SLITRK4: variants seen among roughly 807,000 people sequenced by gnomAD.
SLITRK4 encodes the protein SLIT and NTRK-like protein 4.
A neutral mutation model predicts 34.7 loss-of-function variants in SLITRK4; 7 were observed. That is an observed-to-expected ratio of 0.20 (90% confidence interval 0.11 to 0.38). The LOEUF (loss-of-function observed/expected upper bound fraction) is 0.38. Among genes scored for constraint, SLITRK4 ranks in the 10% least tolerant of loss-of-function variants. The pLI is 1.00. For synonymous variants in SLITRK4, 237 were observed against 246.2 expected, an observed-to-expected ratio of 0.96 and a Z score of 0.35; for missense variants, 474 against 607.0, an observed-to-expected ratio of 0.78 and a Z score of 2.30.
chrX:143,624,754 C>T lies in SLITRK4; in HGVS notation c.*3841G>A, dbSNP rs911387707. ...TTTATTAATACTTTCATAAAAATGGCAATTAATAAATTCTAATACCTTGAT... is the reference window on the plus strand; with the variant it reads ...TTTATTAATACTTTCATAAAAATGGTAATTAATAAATTCTAATACCTTGAT... On this transcript the variant is annotated 3_prime_UTR_variant, in exon 2 of 2. Transcript: ENST00000356928. The T allele has an allele frequency of 9.0e-6, 1 of 110,811 alleles. No individual in the cohort carries two copies. Among genetic ancestry groups the T allele is most frequent in the African/African-American group, 3.3e-5 (1 of 30,621 alleles). The allele number at this position is 110,811 out of a possible 1,213,427, so 9.1% of individuals were successfully genotyped here.
At chrX:143,635,608 A>C (rs1556431301) in intron 1 of SLITRK4, 127 bp downstream of exon 1, 1 of 109,590 alleles carries the variant, frequency 9.1e-6, no homozygotes, top group African/African-American at 3.3e-5. Context: ...AGGGGGGCCG[A>C]GGGAGATCGA....
Position 143,629,665 on chromosome X carries a change from T to G in SLITRK4, c.1444A>C (p.Asn482His). 8.3e-7 allele frequency: 1 copy of G among 1,211,709 alleles called. No individual in the cohort carries two copies. The highest frequency in any genetic ancestry group is 1.1e-6 in the Non-Finnish European group (1 of 895,537). The change falls in exon 2 of 2, where the codon AAT (asparagine) becomes CAT (histidine). Residue 482 changes from asparagine (N) to histidine (H), a missense_variant. Asn to His is a moderately conservative substitution (Grantham distance 68, BLOSUM62 1). Around this residue, in one of 3 missense-constraint regions of SLITRK4, gnomAD observed 345 missense variants for 406.5 expected, o/e 0.85. Coordinates refer to ENST00000356928, the MANE Select transcript of SLITRK4 (RefSeq NM_001184749.3). ...MPNLQLLYLN[N>H]NLLKSLPVYI... ...ACAGGCAGGCTCTTTAGGAGATTAT[T>G]GTTTAAGTACAGTAACTGCAAATTT...
rs1258903350 is a variant in SLITRK4, at chrX:143,627,243, A to T, written c.*1352T>A. ...AGAACAGGATACTGATGCATACAAG[A>T]TATAACTATTAACCTTATTCATTAT... is the stretch of plus-strand genomic sequence containing the variant. On this transcript the variant is annotated 3_prime_UTR_variant, in exon 2 of 2. Transcript: ENST00000356928. 9.1e-6 allele frequency: 1 copy of T among 109,439 alleles called. No homozygotes were observed. The highest frequency in any genetic ancestry group is 2.8e-4 in the East Asian group (1 of 3,513). 9.0% of individuals were successfully genotyped at this position (109,439 alleles called of 1,213,427 possible).
In SLITRK4 at chrX:143,627,256, C is replaced by A. The variant is rs1930823409; in HGVS notation, c.*1339G>T. On this transcript the variant is annotated 3_prime_UTR_variant, in exon 2 of 2. Transcript: ENST00000356928. ...GATGCATACAAGATATAACTATTAACCTTATTCATTATTTTTTAAATACTT... is the reference window on the plus strand; with the variant it reads ...GATGCATACAAGATATAACTATTAAACTTATTCATTATTTTTTAAATACTT... 9.2e-6 allele frequency: 1 copy of A among 109,157 alleles called. No individual in the cohort carries two copies. Among genetic ancestry groups the A allele is most frequent in the African/African-American group, 3.3e-5 (1 of 30,050 alleles). The allele number at this position is 109,157 out of a possible 1,213,427, so 9.0% of individuals were successfully genotyped here.
Position 143,628,851 on chromosome X carries a change from C to A in SLITRK4, c.2258G>T (p.Arg753Met). 8.3e-7 allele frequency: 1 copy of A among 1,211,392 alleles called. No individual in the cohort carries two copies. Among genetic ancestry groups the A allele is most frequent in the Non-Finnish European group, 1.1e-6 (1 of 895,270 alleles). Residue 753 changes from arginine to methionine, a missense_variant, in exon 2 of 2, where the codon AGG becomes ATG. Physicochemically the swap from Arg to Met is moderately conservative, Grantham distance 91. Coordinates refer to ENST00000356928, the MANE Select transcript of SLITRK4 (RefSeq NM_001184749.3). ...ATTCTGAATAAACACATTGGAATCC[C>A]TGCTAGGGAATAATTCATCCAGCTC... The part of the protein sequence containing the change: ...IDELDELFPS[R>M]DSNVFIQNFL...
chrX:143,629,778 A>G lies in SLITRK4; in HGVS notation c.1331T>C (p.Ile444Thr). 1 of 1,209,380 alleles carries G rather than the reference A, an allele frequency of 8.3e-7. No homozygotes were observed. The highest frequency in any genetic ancestry group is 1.1e-6 in the Non-Finnish European group (1 of 893,406). The change falls in exon 2 of 2, where the codon ATA (isoleucine) becomes ACA (threonine). Residue 444 changes from isoleucine (I) to threonine (T), a missense_variant. Coordinates refer to ENST00000356928, the MANE Select transcript of SLITRK4 (RefSeq NM_001184749.3). ...CTGCAGGTTATGAAGACCTGAAAATATTTCAGGATAGAGTCTCTCAATTTG... is the reference window on the plus strand; with the variant it reads ...CTGCAGGTTATGAAGACCTGAAAATGTTTCAGGATAGAGTCTCTCAATTTG... ...GNQIERLYPE[I>T]FSGLHNLQYL...
In SLITRK4 at chrX:143,624,971, C is replaced by A. The variant is rs1412467637; in HGVS notation, c.*3624G>T. The A allele has an allele frequency of 9.0e-6, 1 of 110,582 alleles. No homozygotes were observed. Among genetic ancestry groups the A allele is most frequent in the Non-Finnish European group, 1.9e-5 (1 of 52,578 alleles). The allele number at this position is 110,582 out of a possible 1,213,427, so 9.1% of individuals were successfully genotyped here. ...TATAAATACATTCTTAATATAGTTT[C>A]TCCCCAACTCTTTGGATGCGACAGT... On this transcript the variant is annotated 3_prime_UTR_variant, in exon 2 of 2. Transcript: ENST00000356928.
intron 1 of SLITRK4, among the ~76,000 whole-genome samples, chrX:143,632,733 T>TATTTGGCTGCC (rs1184421674): frequency 8.9e-6 from 1 of 112,012 alleles, no homozygotes; most frequent in Non-Finnish European, 1.9e-5. Flanking sequence ...GCTGAGATGC[T>TATTTGGCTGCC]ATTTGGCTGC....
rs1930832136 is a variant in SLITRK4 at position 143,627,484 on chromosome X, GTTTGT to G, written c.*1106_*1110del. On this transcript the variant is annotated 3_prime_UTR_variant, in exon 2 of 2. Coordinates refer to ENST00000356928, the MANE Select transcript of SLITRK4 (RefSeq NM_001184749.3). ...GTTCTTTTGTATTTTTTTCTTTTCTGTTTGTTTTAAATTTTTTTTGTTTTTAAGTT... is the reference window on the plus strand; with the variant it reads ...GTTCTTTTGTATTTTTTTCTTTTCTGTTTAAATTTTTTTTGTTTTTAAGTT... The G allele has an allele frequency of 9.1e-6, 1 of 110,125 alleles. No individual in the cohort carries two copies. The highest frequency in any genetic ancestry group is 3.8e-4 in the South Asian group (1 of 2,602). The allele number at this position is 110,125 out of a possible 1,213,427, so 9.1% of individuals were successfully genotyped here.
intron 1 of SLITRK4, among the ~76,000 whole-genome samples, chrX:143,633,937 G>C (rs1192145284): frequency 3.5e-5 from 4 of 112,875 alleles, no homozygotes; most frequent in Non-Finnish European, 7.5e-5. Flanking sequence ...TAGCGGAGGC[G>C]GGGTACCGCG....
At position 143,632,459 on chromosome X, in the gene SLITRK4, G is replaced by T. The variant is rs782425238; in HGVS notation, c.-50-1301C>A. 3.6e-5 allele frequency among the ~76,000 whole-genome samples: 4 copies of T among 112,089 alleles called. No homozygotes were observed. In the East Asian group the frequency reaches 1.1e-3, roughly 31 times the overall value. On this transcript the variant is annotated intron_variant, in intron 1 of 1. Transcript: ENST00000356928. ...TATTGATACTATTTTAGCAATATTA[G>T]TCTTTTCCATTGTGAATGGGAAGCT...
chrX:143,630,306 C>T lies in SLITRK4; in HGVS notation c.803G>A (p.Ser268Asn). The T allele has an allele frequency of 1.7e-6, 2 of 1,211,923 alleles. No homozygotes were observed. Among genetic ancestry groups the T allele is most frequent in the Non-Finnish European group, 2.2e-6 (2 of 895,582 alleles). The change falls in exon 2 of 2, where the codon AGT becomes AAT. Residue 268 changes from serine (S) to asparagine (N), a missense_variant. By Grantham distance (46) the Ser-to-Asn change is conservative. Coordinates refer to ENST00000356928, the MANE Select transcript of SLITRK4 (RefSeq NM_001184749.3). ...KQELCPMGTG[S>N]DFDVRILPPS... is the part of the protein sequence containing the mutation. ...AGGCAGGATGCGCACGTCAAAATCACTGCCGGTGCCCATGGGACATAGCTC... is the reference window on the plus strand; with the variant it reads ...AGGCAGGATGCGCACGTCAAAATCATTGCCGGTGCCCATGGGACATAGCTC...
In SLITRK4 at chrX:143,627,891, C is replaced by A. The variant is rs1326733228; in HGVS notation, c.*704G>T. The A allele has an allele frequency of 6.5e-6, 1 of 154,365 alleles. No homozygotes were observed. Among genetic ancestry groups the A allele is most frequent in the African/African-American group, 3.1e-5 (1 of 32,544 alleles). 12.7% of individuals were successfully genotyped at this position (154,365 alleles called of 1,213,427 possible). ...AGATCATCACAAATGCTATCTAACT[C>A]ACGTTGATTTTTTCTTTTAGATTTT... On this transcript the variant is annotated 3_prime_UTR_variant, in exon 2 of 2. Coordinates refer to ENST00000356928, the MANE Select transcript of SLITRK4 (RefSeq NM_001184749.3).
Position 143,630,086 on chromosome X carries a change from A to T in SLITRK4, c.1023T>A (p.Pro341=), listed in dbSNP as rs1556427341. 4 of 1,211,701 alleles carry T rather than the reference A, an allele frequency of 3.3e-6. No homozygotes were observed. The highest frequency in any genetic ancestry group is 4.5e-6 in the Non-Finnish European group (4 of 895,275). The change falls in exon 2 of 2, where the codon CCT becomes CCA. Residue 341 remains proline (P), a synonymous_variant. Transcript: ENST00000356928. ...SYQTRVPPLT[P]CPAPCFCKTH... ...TTTTGCAGAAGCAAGGTGCCGGGCA[A>T]GGTGTTAGAGGAGGCACCCTTGTTT...
intron 1 of SLITRK4, 95 bp downstream of exon 1, chrX:143,635,640 G>A (rs1931217196): frequency 9.1e-6 from 1 of 110,129 alleles, no homozygotes; most frequent in African/African-American, 3.3e-5. Flanking sequence ...AGTCTACGCG[G>A]AATTGAATAA....
chrX:143,629,514 G>A lies in SLITRK4; in HGVS notation c.1595C>T (p.Pro532Leu), dbSNP rs1556426695. 3.3e-6 allele frequency: 4 copies of A among 1,211,560 alleles called. No individual in the cohort carries two copies. The highest frequency in any genetic ancestry group is 3.4e-6 in the Non-Finnish European group (3 of 895,500). ...CACCAAGTCACAAGTACAGTCCCAT[G>A]GGTTGCCCTCCAAGTCAATCTGTGT... Reference protein sequence around the residue: ...SLTQIDLEGNPWDCTCDLVAL... With the variant: ...SLTQIDLEGNLWDCTCDLVAL... The change falls in exon 2 of 2, where the codon CCA becomes CTA. Residue 532 changes from proline to leucine, a missense_variant. Physicochemically the swap from Pro to Leu is moderately conservative, Grantham distance 98 (BLOSUM62 -3). Transcript: ENST00000356928.
rs186214549 is a variant in SLITRK4, at chrX:143,628,209, G to A, written c.*386C>T. On this transcript the variant is annotated 3_prime_UTR_variant, in exon 2 of 2. Coordinates refer to ENST00000356928, the MANE Select transcript of SLITRK4 (RefSeq NM_001184749.3). Reference sequence around the variant, plus strand: ...TTCCAGTTCCACCAACTTAATCTACGTGCAAGATAAAGGACCCAGCTGGTA... The same window carrying A: ...TTCCAGTTCCACCAACTTAATCTACATGCAAGATAAAGGACCCAGCTGGTA... 1.3e-5 allele frequency: 3 copies of A among 222,624 alleles called. No homozygotes were observed. Among genetic ancestry groups the A allele is most frequent in the Non-Finnish European group, 7.8e-6 (1 of 128,569 alleles). The allele number at this position is 222,624 out of a possible 1,213,427, so 18.3% of individuals were successfully genotyped here. A position where few individuals can be genotyped will look rare whatever the true frequency, so the allele number is the denominator to read the frequency against.
Position 143,629,043 on chromosome X carries a change from T to G in SLITRK4, c.2066A>C (p.Gln689Pro). Residue 689 changes from glutamine (Q) to proline (P), a missense_variant, in exon 2 of 2, where the codon CAA becomes CCA. Coordinates refer to ENST00000356928, the MANE Select transcript of SLITRK4 (RefSeq NM_001184749.3). ...DGLSTEAFIP[Q>P]TIEQMSKSHT... ...GCTCTTGCTCATCTGTTCTATAGTT[T>G]GTGGAATGAAAGCTTCTGTGCTCAG... The G allele has an allele frequency of 8.3e-7, 1 of 1,212,017 alleles. No homozygotes were observed. Among genetic ancestry groups the G allele is most frequent in the Non-Finnish European group, 1.1e-6 (1 of 895,607 alleles).
chrX:143,630,734 G>C lies in SLITRK4; in HGVS notation c.375C>G (p.Asp125Glu), dbSNP rs782524526. Residue 125 changes from aspartate to glutamate, a missense_variant, in exon 2 of 2, where the codon GAC becomes GAG. By Grantham distance (45) the Asp-to-Glu change is conservative. This residue lies in a region of SLITRK4 where 84 missense variants were observed against 101.3 expected (regional missense o/e 0.83). Coordinates refer to ENST00000356928, the MANE Select transcript of SLITRK4 (RefSeq NM_001184749.3). ...NNNELKILRA[D>E]TFLGIENLEY... ...CCAAGTTCTCTATGCCAAGGAAAGT[G>C]TCAGCTCGGAGAATCTTTAATTCAT... 1.7e-6 allele frequency: 2 copies of C among 1,210,434 alleles called. No individual in the cohort carries two copies. Among genetic ancestry groups the C allele is most frequent in the East Asian group, 3.0e-5 (1 of 33,854 alleles).
Sources: gnomAD v4.1 joint callset for allele counts (sites outside exome capture counted in the v4.1 genomes callset) on GRCh38, gnomAD v4.1.1 for gene constraint, gnomAD v4.1.1 regional missense constraint, MANE v1.5 for transcripts, NCBI Gene and HGNC (gene_info 2026-07-23, HGNC 2026-07-21) for gene names.